SCTR: variants seen among roughly 807,000 people sequenced by gnomAD.
SCTR encodes pancreatic secretin receptor.
SCTR carries 56 observed loss-of-function variants against 60.8 expected under a neutral mutation model. That is an observed-to-expected ratio of 0.92 (90% CI 0.74 to 1.15). The LOEUF is 1.15. Ranked by LOEUF, SCTR falls within the 50% of genes most tolerant of loss-of-function variation. The probability of loss-of-function intolerance (pLI) is 0.00; values close to 1 mark genes in which losing one functional copy is unlikely to be tolerated. For synonymous variants in SCTR, 202 were observed against 217.0 expected, an observed-to-expected ratio of 0.93 and a Z score of 0.61; for missense variants, 562 against 550.4, an observed-to-expected ratio of 1.02 and a Z score of -0.21.
intron 11 of SCTR, among the ~76,000 whole-genome samples, chr2:119,445,912 C>A (rs1156509882): frequency 6.6e-6 from 1 of 152,138 alleles, no homozygotes; most frequent in Non-Finnish European, 1.5e-5. Context: ...TTTCACTGAT[C>A]CTTCATCGAC....
At chr2:119,501,068 A>T (rs13406742) in intron 1 of SCTR, among the ~76,000 whole-genome samples, 1 of 152,154 alleles carries the variant, frequency 6.6e-6, no homozygotes, top group Admixed American at 6.5e-5. Context: ...AGTAAGCCAG[A>T]CACAAAAAGA....
intron 4 of SCTR, among the ~76,000 whole-genome samples, chr2:119,470,861 C>G (rs145244432): frequency 1.3e-5 from 2 of 152,176 alleles, no homozygotes; most frequent in African/African-American, 2.4e-5. Context: ...TCACCATGCC[C>G]GGCTAATTTT....
chr2:119,478,755 CA>C (rs1677454715), intron 3 of SCTR, 55 bp downstream of exon 3: 19 of 1,562,646 alleles, frequency 1.2e-5, no homozygotes, highest in South Asian at 2.3e-5. Flanking sequence ...GCTGAGGCCC[CA>C]CCCAGAGGGA....
intron 4 of SCTR, among the ~76,000 whole-genome samples, chr2:119,468,923 T>C (rs1683947851): frequency 6.6e-6 from 1 of 152,100 alleles, no homozygotes; most frequent in Admixed American, 6.5e-5. Flanking sequence ...CCAGACCTCA[T>C]GTGTGAGCTC....
intron 1 of SCTR, among the ~76,000 whole-genome samples, chr2:119,514,701 C>A (rs1204011875): frequency 6.6e-6 from 1 of 152,028 alleles, no homozygotes; most frequent in African/African-American, 2.4e-5. Flanking sequence ...CATGGAGAAA[C>A]CCCGTCTCTA....
chr2:119,461,037 C>G (rs1683583371), intron 7 of SCTR, among the ~76,000 whole-genome samples: 1 of 152,174 alleles, frequency 6.6e-6, no homozygotes, highest in African/African-American at 2.4e-5. Flanking sequence ...ATTGGGAACA[C>G]CAGCTTAACT....
At chr2:119,493,899 C>T (rs1325192143) in intron 2 of SCTR, among the ~76,000 whole-genome samples, 7 of 152,196 alleles carry the variant, frequency 4.6e-5, no homozygotes, top group Non-Finnish European at 1.0e-4. Flanking sequence ...CCTCAGCCTC[C>T]CAAAGTGCTG....
At chr2:119,464,557 A>G (rs1309318805) in intron 5 of SCTR, among the ~76,000 whole-genome samples, 1 of 152,034 alleles carries the variant, frequency 6.6e-6, no homozygotes, top group Non-Finnish European at 1.5e-5. Flanking sequence ...AGTTCAACAT[A>G]TTGAGACTTC....
chr2:119,515,971 G>A (rs920999271), intron 1 of SCTR, among the ~76,000 whole-genome samples: 2 of 152,152 alleles, frequency 1.3e-5, no homozygotes. Flanking sequence ...TAAATGAAAA[G>A]CTGCTCAACA....
intron 10 of SCTR, among the ~76,000 whole-genome samples, chr2:119,448,408 T>G (rs1005417896): frequency 6.6e-6 from 1 of 152,234 alleles, no homozygotes; most frequent in Non-Finnish European, 1.5e-5. Flanking sequence ...TTTCAGTCTT[T>G]GAAGCCCATG....
intron 1 of SCTR, among the ~76,000 whole-genome samples, chr2:119,521,474 A>G (rs537472365): frequency 1.4e-4 from 22 of 152,324 alleles, no homozygotes; most frequent in African/African-American, 5.3e-4. Context: ...CAGATGTGTT[A>G]GTAAATAATT....
At chr2:119,505,957 TATGGTATCACTCC>T (rs1345684221) in intron 1 of SCTR, among the ~76,000 whole-genome samples, 4 of 152,220 alleles carry the variant, frequency 2.6e-5, no homozygotes, top group Non-Finnish European at 5.9e-5. Flanking sequence ...AAAACCTTTA[TATGGTATCACTCC>T]ATATCTATCA....
chr2:119,478,392 G>A (rs920971045), intron 3 of SCTR, among the ~76,000 whole-genome samples: 2 of 152,142 alleles, frequency 1.3e-5, no homozygotes, highest in African/African-American at 4.8e-5. Context: ...TTTCTCAGCA[G>A]GGCCTGACAG....
intron 1 of SCTR, among the ~76,000 whole-genome samples, chr2:119,519,480 C>T (rs1029746200): frequency 2.6e-5 from 4 of 152,046 alleles, no homozygotes; most frequent in African/African-American, 7.2e-5. Flanking sequence ...GCACCAGAAA[C>T]CCGGAACAGG....
In SCTR at chr2:119,461,988, G is replaced by A. The variant is rs780458182; in HGVS notation, c.649C>T (p.Leu217=). Residue 217 remains leucine, a synonymous_variant, in exon 7 of 13, where the codon CTG becomes TTG. Transcript: ENST00000019103. ...CAGTACTGGAACAGCACCATGACCA[G>A]CTTGCAGCCCGCCTGGAGAGAGAGA... ...YCDAHRAGCK[L]VMVLFQYCIM... The A allele has an allele frequency of 6.2e-7, 1 of 1,604,490 alleles. No individual in the cohort carries two copies. The highest frequency in any genetic ancestry group is 8.5e-7 in the Non-Finnish European group (1 of 1,175,388).
Position 119,508,365 on chromosome 2 carries a change from T to TTC in SCTR, c.73-13818_73-13817insGA, listed in dbSNP as rs1553468879. On this transcript the variant is annotated intron_variant, in intron 1 of 12. Transcript: ENST00000019103. ...AAAATTTTCTTTTTCTTTCTTTCTT[T>TTC]TTCTTCTTCTTCTTCTTCTTTTTTT... 2.2e-3 allele frequency among the ~76,000 whole-genome samples: 283 copies of TTC among 129,996 alleles called. 3 individuals carry two copies. The highest frequency in any genetic ancestry group is 7.3e-3 in the African/African-American group (260 of 35,708). 85.3% of individuals were successfully genotyped at this position (129,996 alleles called of 152,430 possible).
At position 119,444,248 on chromosome 2, in the gene SCTR, C is replaced by CATATGTAT. The variant is rs1682781114; in HGVS notation, c.1140+2510_1140+2511insATACATAT. ...ACACATATACATATGAATATATACA[C>CATATGTAT]ATATACATATGAATATATACATATA... On this transcript the variant is annotated intron_variant, in intron 11 of 12. Transcript: ENST00000019103. 2.3e-5 allele frequency among the ~76,000 whole-genome samples: 3 copies of CATATGTAT among 129,228 alleles called. 1 individual carries two copies. Among genetic ancestry groups the CATATGTAT allele is most frequent in the African/African-American group, 7.1e-5 (2 of 28,274 alleles). The allele number at this position is 129,228 out of a possible 152,430, so 84.8% of individuals were successfully genotyped here.
At chr2:119,471,470 A>G (rs1677008902) in intron 4 of SCTR, among the ~76,000 whole-genome samples, 1 of 152,166 alleles carries the variant, frequency 6.6e-6, no homozygotes, top group African/African-American at 2.4e-5. Context: ...ATGGGATGAC[A>G]AGCCCTGGGA....
At chr2:119,497,357 A>T (rs569456773) in intron 1 of SCTR, among the ~76,000 whole-genome samples, 13 of 152,292 alleles carry the variant, frequency 8.5e-5, no homozygotes, top group African/African-American at 3.1e-4. Context: ...TCAAAAAAAA[A>T]AAAGCTAACT....
Sources: allele counts gnomAD v4.1 joint callset (sites outside exome capture counted in the v4.1 genomes callset), GRCh38; gene constraint gnomAD v4.1.1; transcripts MANE v1.5; gene names NCBI Gene and HGNC (gene_info 2026-07-23, HGNC 2026-07-21).